Variants in MYH13 observed in about 807,000 individuals in gnomAD.
MYH13 encodes myosin heavy chain 13.
MYH13 carries 177 observed loss-of-function variants against 232.1 expected under a neutral mutation model. The ratio of observed to expected loss-of-function variants is 0.76; its 90% CI spans 0.67 to 0.86. The LOEUF is 0.86. MYH13 is among the 40% of genes least tolerant of loss of function. The pLI, the probability that MYH13 is intolerant of heterozygous loss-of-function variation, is 0.00. For synonymous variants in MYH13, 884 were observed against 923.5 expected (o/e 0.96, Z 0.78); for missense variants, 2,246 against 2,405.9 (o/e 0.93, Z 1.39).
chr17:10,330,357 G>A, intron 21 of MYH13, 30 bp downstream of exon 21: 1 of 1,612,502 alleles, frequency 6.2e-7, no homozygotes, highest in Non-Finnish European at 8.5e-7. Context: ...AGAGAGGGCA[G>A]GATAAGGTGG....
At chr17:10,351,640 A>G (rs1438082421) in intron 11 of MYH13, among the ~76,000 whole-genome samples, 1 of 152,162 alleles carries the variant, frequency 6.6e-6, no homozygotes, top group Non-Finnish European at 1.5e-5. Flanking sequence ...TCTAGTTGGT[A>G]AGTAGCCTGT....
chr17:10,322,236 CAAAAAA>C (rs10715626), intron 23 of MYH13, among the ~76,000 whole-genome samples: 1 of 149,438 alleles, frequency 6.7e-6, no homozygotes, highest in African/African-American at 2.5e-5. Flanking sequence ...ACTAAAAATA[CAAAAAA>C]AAAAAATTAG....
At chr17:10,350,733 A>G (rs370680557) in intron 11 of MYH13, 39 bp from the exon 12 acceptor site, 2 of 1,612,260 alleles carry the variant, frequency 1.2e-6, no homozygotes, top group Non-Finnish European at 1.7e-6. Context: ...AGCAGGAATC[A>G]GGGATCCATA....
intron 18 of MYH13, among the ~76,000 whole-genome samples, chr17:10,335,631 G>A (rs1436561067): frequency 1.3e-5 from 2 of 152,008 alleles, no homozygotes; most frequent in Non-Finnish European, 1.5e-5. Context: ...GTGCGTCCCT[G>A]TAAATCCCAG....
intron 12 of MYH13, among the ~76,000 whole-genome samples, chr17:10,349,317 T>C (rs896450184): frequency 6.6e-6 from 1 of 151,932 alleles, no homozygotes; most frequent in African/African-American, 2.4e-5. Flanking sequence ...GCCAGACTGG[T>C]CTTGACCTAT....
chr17:10,311,467 C>T (rs1025315428), intron 32 of MYH13, among the ~76,000 whole-genome samples: 4 of 152,144 alleles, frequency 2.6e-5, no homozygotes, highest in African/African-American at 4.8e-5. Flanking sequence ...ATATACAAAA[C>T]GGTCATAGAG....
rs763659496 is a variant in MYH13 at position 10,350,565 on chromosome 17, C to G, written c.1135G>C (p.Gly379Arg). The G allele has an allele frequency of 3.7e-6, 6 of 1,612,516 alleles. No homozygotes were observed. The South Asian group carries it at 6.6e-5, about 18-fold the overall frequency. The stretch of plus-strand genomic sequence containing the variant: ...TCCCAGATGCAGTTACCTTCGGTGC[C>G]GTCTGGCTCCGCCTGCTCCTCACGC... ...KQREEQAEPD[G>R]TEVADKAGYL... Residue 379 changes from glycine (G) to arginine (R), a missense_variant, in exon 12 of 41, where the codon GGC (glycine) becomes CGC (arginine). Gly to Arg is a moderately radical substitution (Grantham distance 125). Coordinates refer to ENST00000252172, the MANE Select transcript of MYH13 (RefSeq NM_003802.3).
At position 10,303,286 on chromosome 17, in the gene MYH13, C is replaced by T. The variant is rs372224078; in HGVS notation, c.5577G>A (p.Glu1859=). 150 of 1,614,088 alleles carry T rather than the reference C, an allele frequency of 9.3e-5. No homozygotes were observed. The highest frequency in any genetic ancestry group is 1.6e-4 in the Middle Eastern group (1 of 6,062). The change falls in exon 39 of 41, where the codon GAG becomes GAA. Residue 1859 remains glutamate (E), a synonymous_variant. Coordinates refer to ENST00000252172, the MANE Select transcript of MYH13 (RefSeq NM_003802.3). ...RKVKEMTYQA[E]EDHKNILRLQ... ...GCCTAAGGATATTCTTGTGGTCCTC[C>T]TCAGCCTGCAAACAGAGTACACGTG...
intron 13 of MYH13, 114 bp from the exon 14 acceptor site, chr17:10,345,730 C>T: frequency 8.3e-6 from 13 of 1,565,578 alleles, no homozygotes; most frequent in African/African-American, 1.4e-5. Context: ...CGTGGTGGCT[C>T]ACACCTGTAA....
intron 4 of MYH13, 42 bp downstream of exon 4, chr17:10,362,318 C>G (rs749590082): frequency 8.1e-6 from 13 of 1,613,840 alleles, no homozygotes; most frequent in Non-Finnish European, 1.1e-5. Context: ...CGTTTTTACT[C>G]AGAGAGAGAC....
At chr17:10,363,766 A>G (rs956214322) in intron 3 of MYH13, among the ~76,000 whole-genome samples, 3 of 152,256 alleles carry the variant, frequency 2.0e-5, no homozygotes, top group African/African-American at 7.2e-5. Context: ...TTTAATAACA[A>G]AAAATAAAAG....
At chr17:10,318,618 G>T (rs1457151117) in intron 27 of MYH13, among the ~76,000 whole-genome samples, 172 bp downstream of exon 27, 1 of 152,204 alleles carries the variant, frequency 6.6e-6, no homozygotes, top group Non-Finnish European at 1.5e-5. Flanking sequence ...AGCACAAATG[G>T]ATAAGACAAA....
intron 27 of MYH13, chr17:10,317,400 A>C (rs1397527051): frequency 6.5e-6 from 1 of 152,676 alleles, no homozygotes; most frequent in African/African-American, 2.4e-5. Context: ...AAGGAGGCAC[A>C]GGGCTGCGTG....
intron 30 of MYH13, 33 bp downstream of exon 30, chr17:10,313,125 C>A (rs4239113): frequency 0.7 from 1,127,196 of 1,613,224 alleles, 396,336 homozygotes; most frequent in African/African-American, 0.79. Flanking sequence ...TGTCCTCGGG[C>A]CCCCTCTGCT....
At chr17:10,372,086 G>A (rs1275996393) in intron 1 of MYH13, among the ~76,000 whole-genome samples, 2 of 152,132 alleles carry the variant, frequency 1.3e-5, no homozygotes, top group Non-Finnish European at 2.9e-5. Context: ...TACTATCCTT[G>A]TTGCCTCCTT....
Position 10,304,066 on chromosome 17 carries a change from A to G in MYH13, c.5467-568T>C, listed in dbSNP as rs368848566. Among the ~76,000 whole-genome samples the G allele has an allele frequency of 2.0e-5, 3 of 152,296 alleles. No homozygotes were observed. Among genetic ancestry groups the G allele is most frequent in the East Asian group, 1.9e-4 (1 of 5,184 alleles). ...CTCACTCATAAGTGGGAGTTGAACA[A>G]TGAGAACACATGGTCACAGTAAAGG... On this transcript the variant is annotated intron_variant, in intron 37 of 40. Transcript: ENST00000252172. This position sits in a 1 kb window ranked among gnomAD's most constrained non-coding sequence, Gnocchi z 5.3.
At position 10,365,840 on chromosome 17, in the gene MYH13, GGTGTGTGTGTGTGT is replaced by G. The variant is rs150455118; in HGVS notation, c.-12-1312_-12-1299del. On this transcript the variant is annotated intron_variant, in intron 2 of 40. Transcript: ENST00000252172. ...ATACCCACCTTAGAACTTGCTGCAT[GGTGTGTGTGTGTGT>G]GTGTGTGTGTGTGTGTGTGTGTGTG... is the stretch of plus-strand genomic sequence containing the variant. Among the ~76,000 whole-genome samples the G allele has an allele frequency of 1.4e-3, 196 of 140,276 alleles. 2 individuals are homozygous for G. Among genetic ancestry groups the G allele is most frequent in the Middle Eastern group, 7.2e-3 (2 of 278 alleles). The allele number at this position is 140,276 out of a possible 152,430, so 92.0% of individuals were successfully genotyped here. A position where few individuals can be genotyped will look rare whatever the true frequency, so the allele number is the denominator to read the frequency against.
intron 12 of MYH13, 21 bp downstream of exon 12, chr17:10,350,534 TC>T: frequency 6.2e-7 from 1 of 1,609,076 alleles, no homozygotes; most frequent in Non-Finnish European, 8.5e-7. Context: ...CCCAATCGCA[TC>T]CCTTTCCCAG....
chr17:10,317,401 G>C (rs1040710214), intron 27 of MYH13: 2 of 152,684 alleles, frequency 1.3e-5, no homozygotes, highest in African/African-American at 4.8e-5. Context: ...AGGAGGCACA[G>C]GGCTGCGTGG....
Sources: gnomAD v4.1 joint callset for allele counts (sites outside exome capture counted in the v4.1 genomes callset) on GRCh38, gnomAD v4.1.1 for gene constraint, Gnocchi (gnomAD v3.1) non-coding constraint, MANE v1.5 for transcripts, NCBI Gene and HGNC (gene_info 2026-07-23, HGNC 2026-07-21) for gene names.